RELN: variants seen among roughly 807,000 people sequenced by gnomAD.
RELN encodes the protein reelin.
Under a neutral mutation model 427.6 loss-of-function variants are expected in RELN, and 108 were observed. The observed-to-expected ratio is 0.25, with a 90% confidence interval of 0.22 to 0.30. RELN has a LOEUF of 0.30. Among genes scored for constraint, RELN ranks in the 10% least tolerant of loss-of-function variants. RELN has a pLI of 1.00. For synonymous variants in RELN, 1,524 were observed against 1,513.4 expected, an observed-to-expected ratio of 1.01 and a Z score of -0.16; for missense variants, 3,715 against 4,302.8, an observed-to-expected ratio of 0.86 and a Z score of 3.82.
chr7:103,954,352 A>G (rs1183033669), intron 1 of RELN, among the ~76,000 whole-genome samples: 3 of 152,220 alleles, frequency 2.0e-5, no homozygotes, highest in African/African-American at 7.2e-5. Flanking sequence ...CAAGTATGCT[A>G]TCGTGATAGG....
chr7:103,562,619 G>A (rs1830667569), intron 34 of RELN, among the ~76,000 whole-genome samples: 1 of 152,202 alleles, frequency 6.6e-6, no homozygotes, highest in Admixed American at 6.5e-5. Context: ...CTTAGGAAAA[G>A]TTTGCATAGA....
At chr7:103,635,725 T>G in intron 18 of RELN, 139 bp from the exon 19 acceptor site, 1 of 692,376 alleles carries the variant, frequency 1.4e-6, no homozygotes, top group Non-Finnish European at 2.5e-6. Flanking sequence ...TTGTTAGATA[T>G]ATGAATATGT....
intron 16 of RELN, among the ~76,000 whole-genome samples, chr7:103,645,016 A>G (rs922804560): frequency 6.6e-6 from 1 of 151,780 alleles, no homozygotes; most frequent in African/African-American, 2.4e-5. Flanking sequence ...GGAATTTTGT[A>G]TTCTATTAGA....
intron 50 of RELN, among the ~76,000 whole-genome samples, chr7:103,514,723 G>T (rs1007844108): frequency 6.6e-6 from 1 of 152,062 alleles, no homozygotes; most frequent in Non-Finnish European, 1.5e-5. Context: ...ACCCCTATAG[G>T]GAATGAAGGG....
intron 5 of RELN, among the ~76,000 whole-genome samples, chr7:103,750,587 A>G (rs2116071238): frequency 6.6e-6 from 1 of 152,326 alleles, no homozygotes; most frequent in African/African-American, 2.4e-5. Flanking sequence ...ATGGAATTGG[A>G]TAGAACATTC....
chr7:103,981,476 A>G (rs189235237), intron 1 of RELN, among the ~76,000 whole-genome samples: 2 of 152,348 alleles, frequency 1.3e-5, no homozygotes, highest in Admixed American at 1.3e-4. Context: ...CAAGGTTACC[A>G]AAACCAACTC....
chr7:103,756,517 T>C (rs1562994147), intron 4 of RELN, among the ~76,000 whole-genome samples: 1 of 152,266 alleles, frequency 6.6e-6, no homozygotes, highest in South Asian at 2.1e-4. Context: ...AAGCTGGTAA[T>C]AGTGTCTCAA....
chr7:103,806,003 G>A (rs76004751), intron 3 of RELN, among the ~76,000 whole-genome samples: 8,189 of 152,240 alleles, frequency 0.054, 339 homozygotes, highest in Non-Finnish European at 0.079. Flanking sequence ...GTAAGGAGAA[G>A]TCAAGCTTTT....
intron 19 of RELN, among the ~76,000 whole-genome samples, chr7:103,634,722 G>GAT (rs1266718327): frequency 3.3e-5 from 5 of 151,600 alleles, no homozygotes; most frequent in African/African-American, 7.3e-5. Flanking sequence ...TTGGTTATAA[G>GAT]ATATATATAA....
At chr7:103,516,904 C>T (rs1829579192) in intron 49 of RELN, among the ~76,000 whole-genome samples, 2 of 151,936 alleles carry the variant, frequency 1.3e-5, no homozygotes, top group South Asian at 4.2e-4. Context: ...AACCAAGATT[C>T]ACTCACAGGT....
rs1490209709 is a variant in RELN, at chr7:103,565,510, C to A, written c.4978G>T (p.Ala1660Ser). The A allele has an allele frequency of 1.2e-6, 2 of 1,613,446 alleles. No homozygotes were observed. The highest frequency in any genetic ancestry group is 1.7e-6 in the Non-Finnish European group (2 of 1,179,890). Reference sequence around the variant, plus strand: ...ATTTCAAACTGCAAAAAGGTAGATGCTGACACATGAAAATCCCAGGTCTCA... The same window carrying A: ...ATTTCAAACTGCAAAAAGGTAGATGATGACACATGAAAATCCCAGGTCTCA... ...YAETWDFHVS[A>S]STFLQFEMSM... The change falls in exon 34 of 65, where the codon GCA (alanine) becomes TCA (serine). Residue 1660 changes from alanine (A) to serine (S), a missense_variant. Ala to Ser is a moderately conservative substitution (Grantham distance 99). This residue lies in a region of RELN where 2,208 missense variants were observed against 2,361.7 expected (regional missense o/e 0.93). Transcript: ENST00000428762.
intron 28 of RELN, among the ~76,000 whole-genome samples, chr7:103,581,035 A>G (rs1831119293): frequency 6.6e-6 from 1 of 152,134 alleles, no homozygotes; most frequent in African/African-American, 2.4e-5. Context: ...CAGGAAGGAG[A>G]ATGACATTGC....
intron 1 of RELN, among the ~76,000 whole-genome samples, chr7:103,970,666 A>G (rs1796745611): frequency 6.6e-6 from 1 of 152,178 alleles, no homozygotes; most frequent in African/African-American, 2.4e-5. Context: ...ATGAACCAAC[A>G]ACATATAGTT....
At chr7:103,780,823 T>C (rs1430876831) in intron 3 of RELN, among the ~76,000 whole-genome samples, 1 of 152,236 alleles carries the variant, frequency 6.6e-6, no homozygotes, top group Non-Finnish European at 1.5e-5. Flanking sequence ...CCTAGACTTC[T>C]ATCAGCTTAC....
intron 59 of RELN, 124 bp downstream of exon 59, chr7:103,490,544 G>T: frequency 9.8e-7 from 1 of 1,018,074 alleles, no homozygotes; most frequent in Non-Finnish European, 1.5e-6. Context: ...GAGGGAAGAT[G>T]GGAGAGGGCA....
At chr7:103,966,264 C>A (rs910066295) in intron 1 of RELN, among the ~76,000 whole-genome samples, 12 of 151,632 alleles carry the variant, frequency 7.9e-5, no homozygotes, top group Non-Finnish European at 8.8e-5. Context: ...TGTCTCCCAG[C>A]AGCTCAGGGT....
At chr7:103,701,402 G>A (rs979767739) in intron 8 of RELN, among the ~76,000 whole-genome samples, 1 of 151,764 alleles carries the variant, frequency 6.6e-6, no homozygotes, top group Non-Finnish European at 1.5e-5. Flanking sequence ...ATTACATTGA[G>A]GAATAAAAAC....
At chr7:103,782,493 CT>C (rs987515714) in intron 3 of RELN, among the ~76,000 whole-genome samples, 10 of 152,234 alleles carry the variant, frequency 6.6e-5, no homozygotes, top group African/African-American at 2.2e-4. Context: ...AATATTCACT[CT>C]TAAATACCTA....
rs112907145 is a variant in RELN at position 103,967,319 on chromosome 7, C to G, written c.226+21812G>C. On this transcript the variant is annotated intron_variant, in intron 1 of 64. Transcript: ENST00000428762. ...TACAACTCCAGTCCATTTTACAAAG[C>G]CCTACAAGAAACCAAAACACTTTCA... Among the ~76,000 whole-genome samples, 1,257 of 152,200 alleles carry G rather than the reference C, an allele frequency of 8.3e-3. 19 individuals carry two copies. The highest frequency in any genetic ancestry group is 0.029 in the African/African-American group (1,200 of 41,520).
Sources: gnomAD v4.1 joint callset for allele counts (sites outside exome capture counted in the v4.1 genomes callset) on GRCh38, gnomAD v4.1.1 for gene constraint, gnomAD v4.1.1 regional missense constraint, MANE v1.5 for transcripts, NCBI Gene and HGNC (gene_info 2026-07-23, HGNC 2026-07-21) for gene names.